Variants in EYS observed in about 807,000 individuals in gnomAD.
EYS encodes the protein EGF-like photoreceptor maintenance factor, also known as protein eyes shut homolog.
In EYS, 250 loss-of-function variants were observed where a neutral mutation model predicts 282.1. The ratio of observed to expected loss-of-function variants is 0.89; its 90% CI spans 0.80 to 0.98. The LOEUF is 0.98. EYS is among the 50% of genes least tolerant of loss of function. The pLI is 0.00. For synonymous variants in EYS, 1,355 were observed against 1,282.9 expected (o/e 1.06, Z -1.20); for missense variants, 4,016 against 3,709.0 (o/e 1.08, Z -2.15).
chr6:64,876,062 A>G (rs1766741548), intron 19 of EYS, among the ~76,000 whole-genome samples: 1 of 152,076 alleles, frequency 6.6e-6, no homozygotes, highest in African/African-American at 2.4e-5. Context: ...TTAGTGAATA[A>G]TATAAAAAGT....
intron 27 of EYS, among the ~76,000 whole-genome samples, chr6:64,436,719 A>C (rs183758305): frequency 1.1e-3 from 171 of 151,944 alleles, no homozygotes; most frequent in Non-Finnish European, 1.7e-3. Context: ...GTTTTTTGAG[A>C]TGTCAGGGTG....
chr6:64,064,532 G>A (rs1302241508), intron 33 of EYS, among the ~76,000 whole-genome samples: 2 of 151,996 alleles, frequency 1.3e-5, no homozygotes, highest in African/African-American at 2.4e-5. Flanking sequence ...ACATTCATAG[G>A]GATATCTCCT....
At chr6:64,389,476 T>C (rs2033320446) in intron 28 of EYS, among the ~76,000 whole-genome samples, 1 of 152,204 alleles carries the variant, frequency 6.6e-6, no homozygotes, top group African/African-American at 2.4e-5. Flanking sequence ...AACTAATTGT[T>C]TAATCCAGAG....
chr6:64,633,431 G>A lies in EYS; in HGVS notation c.3444-7186C>T, dbSNP rs112550646. ...ATTAATTTGAAATGATCCATATGCA[G>A]AAATTAAGACAGAGCTGGGTGCAGG... On this transcript the variant is annotated intron_variant, in intron 22 of 42. Transcript: ENST00000503581. Among the ~76,000 whole-genome samples the A allele has an allele frequency of 7.0e-4, 106 of 152,058 alleles. 1 individual carries two copies. Among genetic ancestry groups the A allele is most frequent in the Non-Finnish European group, 2.1e-4 (14 of 68,018 alleles).
intron 19 of EYS, among the ~76,000 whole-genome samples, chr6:64,846,173 T>G (rs1319193659): frequency 6.6e-6 from 1 of 152,162 alleles, no homozygotes; most frequent in Non-Finnish European, 1.5e-5. Context: ...AGTCAAAACT[T>G]GTCCTACCAA....
At position 64,096,494 on chromosome 6, in the gene EYS, A is replaced by T. The variant is rs534753570; in HGVS notation, c.6425-14492T>A. On this transcript the variant is annotated intron_variant, in intron 31 of 42. Coordinates refer to ENST00000503581, the MANE Select transcript of EYS (RefSeq NM_001142800.2). Reference sequence around the variant, plus strand: ...TAAACTTCTGTTCTCACTTTATTTCATTCATTTCATCTTCCATCATTGATA... The same window carrying T: ...TAAACTTCTGTTCTCACTTTATTTCTTTCATTTCATCTTCCATCATTGATA... 8.0e-4 allele frequency among the ~76,000 whole-genome samples: 121 copies of T among 152,146 alleles called. 1 individual carries two copies. The highest frequency in any genetic ancestry group is 1.2e-3 in the South Asian group (6 of 4,816).
chr6:64,551,798 G>A (rs147276027), intron 26 of EYS, among the ~76,000 whole-genome samples: 7 of 152,106 alleles, frequency 4.6e-5, no homozygotes, highest in African/African-American at 1.7e-4. Context: ...TTCCACAGTG[G>A]TTGAACTAGT....
chr6:64,555,341 A>G (rs1277240148), intron 26 of EYS, among the ~76,000 whole-genome samples: 1 of 151,854 alleles, frequency 6.6e-6, no homozygotes, highest in Non-Finnish European at 1.5e-5. Flanking sequence ...GGTGGTTATC[A>G]GGGAATTAAT....
chr6:64,871,504 C>T (rs1043094436), intron 19 of EYS, among the ~76,000 whole-genome samples: 7 of 151,822 alleles, frequency 4.6e-5, no homozygotes, highest in African/African-American at 1.4e-4. Context: ...ATATAACTTC[C>T]TAAATGAAAT....
chr6:64,381,983 A>G (rs1196806367), intron 29 of EYS, among the ~76,000 whole-genome samples: 2 of 152,164 alleles, frequency 1.3e-5, no homozygotes, highest in African/African-American at 4.8e-5. Flanking sequence ...TCCATATCAA[A>G]GAATCCAGTG....
intron 26 of EYS, among the ~76,000 whole-genome samples, chr6:64,579,905 CA>C (rs1582916593): frequency 6.6e-6 from 1 of 152,214 alleles, no homozygotes; most frequent in Non-Finnish European, 1.5e-5. Flanking sequence ...CTTGTGGTAT[CA>C]AATCATTGAC....
intron 2 of EYS, among the ~76,000 whole-genome samples, chr6:65,519,175 G>A (rs1351909449): frequency 3.3e-5 from 5 of 151,946 alleles, no homozygotes; most frequent in East Asian, 1.9e-4. Context: ...ATGCTTGGTC[G>A]TTGACATGCA....
At chr6:64,798,230 T>C (rs1022966851) in intron 22 of EYS, among the ~76,000 whole-genome samples, 20 of 151,920 alleles carry the variant, frequency 1.3e-4, no homozygotes, top group Admixed American at 1.3e-3. Context: ...ATTCTAAAAT[T>C]ACATACTCAT....
chr6:65,216,377 T>C (rs959355660), intron 12 of EYS, among the ~76,000 whole-genome samples: 1 of 152,016 alleles, frequency 6.6e-6, no homozygotes, highest in African/African-American at 2.4e-5. Flanking sequence ...ATATATGCAT[T>C]GTATCATGAA....
chr6:64,699,201 T>G (rs570027761), intron 22 of EYS, among the ~76,000 whole-genome samples: 1 of 152,184 alleles, frequency 6.6e-6, no homozygotes, highest in African/African-American at 2.4e-5. Context: ...AGGCTTATTA[T>G]ACTTAGCAAA....
At chr6:65,604,345 G>C (rs564658551) in intron 2 of EYS, among the ~76,000 whole-genome samples, 25 of 152,062 alleles carry the variant, frequency 1.6e-4, no homozygotes, top group Middle Eastern at 3.4e-3. Context: ...TTACAATGTT[G>C]ATGTGCGGGC....
At chr6:65,494,640 T>G (rs749763780) in intron 4 of EYS, 23 bp downstream of exon 4, 2 of 1,521,636 alleles carry the variant, frequency 1.3e-6, no homozygotes, top group South Asian at 2.4e-5. Context: ...TTTAATAAAA[T>G]TATATATTTT....
intron 5 of EYS, among the ~76,000 whole-genome samples, chr6:65,454,770 C>T (rs1481086134): frequency 2.0e-5 from 3 of 151,946 alleles, no homozygotes; most frequent in Non-Finnish European, 2.9e-5. Flanking sequence ...TTGTCTTTTC[C>T]TCAATGTGTG....
intron 22 of EYS, among the ~76,000 whole-genome samples, chr6:64,641,894 G>A (rs879602114): frequency 4.6e-5 from 7 of 152,124 alleles, no homozygotes; most frequent in African/African-American, 1.4e-4. Flanking sequence ...ATGATCTGAG[G>A]TAGAACAGTT....
Sources: gnomAD v4.1 joint callset for allele counts (sites outside exome capture counted in the v4.1 genomes callset) on GRCh38, gnomAD v4.1.1 for gene constraint, MANE v1.5 for transcripts, NCBI Gene and HGNC (gene_info 2026-07-23, HGNC 2026-07-21) for gene names.